CLVS1: variants seen among roughly 807,000 people sequenced by gnomAD.
The protein encoded by CLVS1 is clavesin 1.
A neutral mutation model predicts 33.1 loss-of-function variants in CLVS1; 10 were observed. The ratio of observed to expected loss-of-function variants is 0.30; its 90% CI spans 0.19 to 0.51. The LOEUF (loss-of-function observed/expected upper bound fraction) is 0.51. CLVS1 is among the 20% of genes least tolerant of loss of function. The pLI, the probability that CLVS1 is intolerant of heterozygous loss-of-function variation, is 0.97. For synonymous variants in CLVS1, 163 were observed against 166.1 expected (o/e 0.98, Z 0.14); for missense variants, 343 against 433.4 (o/e 0.79, Z 1.85).
intron 1 of CLVS1, among the ~76,000 whole-genome samples, chr8:61,059,772 A>T (rs994603727): frequency 1.3e-5 from 2 of 151,352 alleles, no homozygotes; most frequent in Non-Finnish European, 2.9e-5. Context: ...GATCACACCA[A>T]GGCACTCCAG....
intron 1 of CLVS1, among the ~76,000 whole-genome samples, chr8:61,127,830 A>G (rs1035748411): frequency 5.9e-5 from 9 of 152,230 alleles, no homozygotes; most frequent in African/African-American, 9.7e-5. Context: ...CTGTCTATAA[A>G]CCATGTAAGA....
At chr8:60,996,622 C>G in the CLVS1 span, among the ~76,000 whole-genome samples, 1 of 152,210 alleles carries the variant, frequency 6.6e-6, no homozygotes, top group Admixed American at 6.5e-5. Flanking sequence ...TCTCTTTCTT[C>G]TTGTTCCCAG....
At chr8:61,032,824 C>T in the CLVS1 span, among the ~76,000 whole-genome samples, 1 of 151,788 alleles carries the variant, frequency 6.6e-6, no homozygotes, top group Non-Finnish European at 1.5e-5. Flanking sequence ...AAATGAGCCC[C>T]CATGGGAAAA....
intron 2 of CLVS1, chr8:61,203,124 T>A: frequency 8.2e-7 from 1 of 1,219,372 alleles, no homozygotes; most frequent in Non-Finnish European, 1.2e-6. Flanking sequence ...GGTGGTTCTC[T>A]TCCCAAAGTG....
intron 1 of CLVS1, among the ~76,000 whole-genome samples, chr8:61,084,138 C>T (rs1328370300): frequency 1.3e-5 from 2 of 152,136 alleles, no homozygotes; most frequent in African/African-American, 4.8e-5. Context: ...TAACACTTAC[C>T]TGGCAGAATA....
intron 1 of CLVS1, among the ~76,000 whole-genome samples, chr8:61,099,968 G>A (rs1408809326): frequency 5.3e-5 from 8 of 152,172 alleles, no homozygotes; most frequent in Admixed American, 5.2e-4. Flanking sequence ...CCAAAGAAAA[G>A]AGGGTGATAA....
chr8:61,487,860 G>C (rs1803935976), intron 5 of CLVS1, among the ~76,000 whole-genome samples: 2 of 152,120 alleles, frequency 1.3e-5, no homozygotes, highest in Non-Finnish European at 2.9e-5. Flanking sequence ...TCCTGCAGAG[G>C]GAATGAGTCA....
At chr8:60,980,340 C>T in the CLVS1 span, among the ~76,000 whole-genome samples, 3 of 152,210 alleles carry the variant, frequency 2.0e-5, no homozygotes, top group African/African-American at 7.2e-5. Context: ...AATCTTGTCA[C>T]ATCTTTGAAA....
intron 2 of CLVS1, among the ~76,000 whole-genome samples, chr8:61,311,124 T>C (rs1402145590): frequency 6.6e-6 from 1 of 152,218 alleles, no homozygotes; most frequent in East Asian, 1.9e-4. Flanking sequence ...ATATGATTTC[T>C]CATTCAGTGT....
chr8:61,346,545 T>C (rs765038327), intron 2 of CLVS1, among the ~76,000 whole-genome samples: 5 of 152,202 alleles, frequency 3.3e-5, no homozygotes, highest in Non-Finnish European at 5.9e-5. Context: ...TACATGTATC[T>C]AATTAAAAGG....
chr8:61,477,029 G>A (rs1174561657), intron 5 of CLVS1, among the ~76,000 whole-genome samples: 1 of 126,964 alleles, frequency 7.9e-6, no homozygotes. Context: ...TTTATCAAAG[G>A]CCTTTTCTGC....
chr8:61,232,103 T>C (rs1470648442), intron 2 of CLVS1, among the ~76,000 whole-genome samples: 3 of 147,938 alleles, frequency 2.0e-5, no homozygotes, highest in Admixed American at 6.8e-5. Flanking sequence ...GGCATGATCT[T>C]GGCTCACTGC....
At chr8:60,981,577 T>C in the CLVS1 span, among the ~76,000 whole-genome samples, 1 of 152,310 alleles carries the variant, frequency 6.6e-6, no homozygotes, top group East Asian at 1.9e-4. Context: ...TGTTCCAGGA[T>C]AGTTATAGTA....
chr8:61,000,339 C>T, the CLVS1 span, among the ~76,000 whole-genome samples: 1 of 152,146 alleles, frequency 6.6e-6, no homozygotes, highest in Non-Finnish European at 1.5e-5. Flanking sequence ...GGAAGGGAGC[C>T]AGTGAACATG....
At chr8:61,343,974 T>C (rs1431574378) in intron 2 of CLVS1, among the ~76,000 whole-genome samples, 1 of 152,182 alleles carries the variant, frequency 6.6e-6, no homozygotes, top group Non-Finnish European at 1.5e-5. Flanking sequence ...TATACATACA[T>C]ACATATACAC....
At chr8:61,022,055 C>G in the CLVS1 span, among the ~76,000 whole-genome samples, 2 of 152,194 alleles carry the variant, frequency 1.3e-5, no homozygotes, top group African/African-American at 4.8e-5. Context: ...TTAGTTACTG[C>G]TTTTCTTCAA....
chr8:61,178,302 G>T (rs1807156954), intron 2 of CLVS1, among the ~76,000 whole-genome samples: 1 of 152,014 alleles, frequency 6.6e-6, no homozygotes, highest in Non-Finnish European at 1.5e-5. Flanking sequence ...TAGAGAAAAA[G>T]AATAAAAATG....
chr8:61,145,356 C>T (rs986371608), intron 2 of CLVS1, among the ~76,000 whole-genome samples: 4 of 152,218 alleles, frequency 2.6e-5, no homozygotes, highest in Non-Finnish European at 5.9e-5. Context: ...GATATCACAA[C>T]AGCCGTTAAC....
intron 2 of CLVS1, among the ~76,000 whole-genome samples, chr8:61,232,921 C>T (rs1585709260): frequency 6.6e-6 from 1 of 152,312 alleles, no homozygotes; most frequent in Middle Eastern, 3.4e-3. Flanking sequence ...ATTTTCTTCA[C>T]TTTTCATCTG....
Sources: allele counts gnomAD v4.1 joint callset (sites outside exome capture counted in the v4.1 genomes callset), GRCh38; gene constraint gnomAD v4.1.1; transcripts MANE v1.5; gene names NCBI Gene and HGNC (gene_info 2026-07-23, HGNC 2026-07-21).